PRKD3: variants seen among roughly 807,000 people sequenced by gnomAD.
PRKD3 encodes the protein protein kinase D3.
A neutral mutation model predicts 99.2 loss-of-function variants in PRKD3; 47 were observed. The observed-to-expected ratio is 0.47, with a 90% confidence interval of 0.38 to 0.60. The LOEUF (loss-of-function observed/expected upper bound fraction) is 0.60. Among genes scored for constraint, PRKD3 ranks in the 20% least tolerant of loss-of-function variants. The pLI is 0.00. For synonymous variants in PRKD3, 392 were observed against 355.4 expected, an observed-to-expected ratio of 1.10 and a Z score of -1.16; for missense variants, 1,019 against 1,088.4, an observed-to-expected ratio of 0.94 and a Z score of 0.90.
intron 2 of PRKD3, among the ~76,000 whole-genome samples, chr2:37,295,193 G>C (rs1670622221): frequency 6.6e-6 from 1 of 152,144 alleles, no homozygotes; most frequent in Non-Finnish European, 1.5e-5. Flanking sequence ...AGTTTGTAAA[G>C]ACAGAATAGT....
rs747328210 is a variant in PRKD3, at chr2:37,259,656, T to C, written c.2072A>G (p.His691Arg). The C allele has an allele frequency of 2.5e-6, 4 of 1,612,790 alleles. No individual in the cohort carries two copies. The highest frequency in any genetic ancestry group is 3.4e-6 in the Non-Finnish European group (4 of 1,178,970). Residue 691 changes from histidine to arginine, a missense_variant, in exon 16 of 19, where the codon CAT becomes CGT. His to Arg is a conservative substitution (Grantham distance 29). Coordinates refer to ENST00000234179, the MANE Select transcript of PRKD3 (RefSeq NM_005813.6). Reference sequence around the variant, plus strand: ...ATCACAGTGCACAATATTCTTAAAATGCAGATTCCTCAAAGCAACAAGTAT... The same window carrying C: ...ATCACAGTGCACAATATTCTTAAAACGCAGATTCCTCAAAGCAACAAGTAT... ...TQILVALRNL[H>R]FKNIVHCDLK...
chr2:37,289,080 T>A (rs113672285), intron 5 of PRKD3, among the ~76,000 whole-genome samples: 23 of 144,048 alleles, frequency 1.6e-4, no homozygotes, highest in East Asian at 1.0e-3. Flanking sequence ...AAAAAAAAAT[T>A]AAAAAAAAAA....
chr2:37,316,401 T>C lies in PRKD3; in HGVS notation c.124A>G (p.Asn42Asp), dbSNP rs11896614. 0.046 allele frequency: 74,895 copies of C among 1,614,132 alleles called. 1,902 individuals carry two copies. Among genetic ancestry groups the C allele is most frequent in the African/African-American group, 0.051 (3,800 of 75,038 alleles). Residue 42 changes from asparagine (N) to aspartate (D), a missense_variant, in exon 2 of 19, where the codon AAT (asparagine) becomes GAT (aspartate). By Grantham distance (23) the Asn-to-Asp change is conservative. This residue lies in a region of PRKD3 where 710 missense variants were observed against 692.7 expected (regional missense o/e 1.02). Coordinates refer to ENST00000234179, the MANE Select transcript of PRKD3 (RefSeq NM_005813.6). ...AGTGATGGTGCACTGAAGCTTCCAT[T>C]AGAGAGTCGGGCAGAGAGTCCCGTC... ...PKTGLSARLS[N>D]GSFSAPSLTN...
intron 2 of PRKD3, among the ~76,000 whole-genome samples, chr2:37,293,545 C>A (rs1572678333): frequency 6.6e-6 from 1 of 152,142 alleles, no homozygotes; most frequent in African/African-American, 2.4e-5. Flanking sequence ...TATTCAGTTA[C>A]TGATGGAGAA....
At chr2:37,309,915 T>C (rs1671349515) in intron 2 of PRKD3, among the ~76,000 whole-genome samples, 1 of 150,856 alleles carries the variant, frequency 6.6e-6, no homozygotes, top group Non-Finnish European at 1.5e-5. Flanking sequence ...AATATTCTAA[T>C]ATAGAAGTCA....
intron 12 of PRKD3, among the ~76,000 whole-genome samples, chr2:37,270,808 A>G (rs1669198834): frequency 6.6e-6 from 1 of 152,208 alleles, no homozygotes; most frequent in South Asian, 2.1e-4. Context: ...GAGGCATCCA[A>G]TGCATATATA....
chr2:37,302,385 C>T (rs1670973520), intron 2 of PRKD3, among the ~76,000 whole-genome samples: 1 of 152,174 alleles, frequency 6.6e-6, no homozygotes, highest in Non-Finnish European at 1.5e-5. Flanking sequence ...GCACTCTGCT[C>T]ACTTCATTCT....
intron 2 of PRKD3, among the ~76,000 whole-genome samples, chr2:37,310,051 C>G (rs1216740970): frequency 6.6e-6 from 1 of 152,048 alleles, no homozygotes; most frequent in Non-Finnish European, 1.5e-5. Flanking sequence ...CTGTGAGTAC[C>G]TATTCAGATC....
chr2:37,268,698 G>C (rs1392570383), intron 13 of PRKD3: 1 of 178,590 alleles, frequency 5.6e-6, no homozygotes, highest in Non-Finnish European at 1.2e-5. Context: ...CACTAGAAGA[G>C]ACAAAGGGAT....
chr2:37,293,013 A>T, intron 3 of PRKD3, 120 bp downstream of exon 3: 1 of 1,097,642 alleles, frequency 9.1e-7, no homozygotes, highest in African/African-American at 1.6e-5. Flanking sequence ...ATTATTAGAG[A>T]TGAAAGAAAT....
rs1368589376 is a variant in PRKD3, at chr2:37,274,797, TA to T, written c.1375-101del. On this transcript the variant is annotated intron_variant, in intron 10 of 18. Transcript: ENST00000234179. ...AGATATGCATTTCAATGAATGCCAT[TA>T]AGACGGACACAAGTATGCAACATTT... 43 of 1,153,896 alleles carry T rather than the reference TA, an allele frequency of 3.7e-5. 2 individuals are homozygous for T. The African/African-American group carries it at 5.0e-4, about 13-fold the overall frequency. The allele number at this position is 1,153,896 out of a possible 1,614,324, so 71.5% of individuals were successfully genotyped here. A position where few individuals can be genotyped will look rare whatever the true frequency, so the allele number is the denominator to read the frequency against.
intron 16 of PRKD3, among the ~76,000 whole-genome samples, chr2:37,258,240 GTGGACTC>G (rs1668132819): frequency 6.6e-6 from 1 of 152,202 alleles, no homozygotes; most frequent in African/African-American, 2.4e-5. Context: ...TTCTGGGATG[GTGGACTC>G]TGACACATAT....
chr2:37,282,429 AAATCTTT>A, intron 7 of PRKD3, 106 bp downstream of exon 7: 1 of 725,060 alleles, frequency 1.4e-6, no homozygotes, highest in Non-Finnish European at 2.3e-6. Context: ...AATCAGAAGA[AAATCTTT>A]AAGAAACAAA....
At chr2:37,318,262 T>C (rs771885945) in intron 1 of PRKD3, among the ~76,000 whole-genome samples, 2 of 152,214 alleles carry the variant, frequency 1.3e-5, no homozygotes, top group Non-Finnish European at 1.5e-5. Flanking sequence ...AAAGCTTTCA[T>C]AGCTACTTTC....
At chr2:37,277,490 A>C (rs756807748) in intron 9 of PRKD3, among the ~76,000 whole-genome samples, 3 of 152,186 alleles carry the variant, frequency 2.0e-5, no homozygotes, top group Non-Finnish European at 4.4e-5. Flanking sequence ...ACACTAAGTT[A>C]AAGTCTACAT....
chr2:37,299,313 G>C (rs1670809327), intron 2 of PRKD3, among the ~76,000 whole-genome samples: 1 of 152,072 alleles, frequency 6.6e-6, no homozygotes, highest in South Asian at 2.1e-4. Flanking sequence ...CCTGGGCAAA[G>C]ACTCCTTGAG....
At position 37,277,924 on chromosome 2, in the gene PRKD3, T is replaced by G; in HGVS notation, c.1238A>C (p.Lys413Thr). 1 of 1,613,528 alleles carries G rather than the reference T, an allele frequency of 6.2e-7. No homozygotes were observed. Among genetic ancestry groups the G allele is most frequent in the Non-Finnish European group, 8.5e-7 (1 of 1,179,538 alleles). Residue 413 changes from lysine (K) to threonine (T), a missense_variant, in exon 9 of 19, where the codon AAG becomes ACG. Physicochemically the swap from Lys to Thr is moderately conservative, Grantham distance 78. Transcript: ENST00000234179. ...VVQSIKHTKRKSSTMVKEGWM... is the reference protein window; with the variant it reads ...VVQSIKHTKRTSSTMVKEGWM... ...CCCTTCCTTCACCATTGTGCTGCTC[T>G]TCCTCTTTGTGTGCTTGATGGATTG...
At chr2:37,304,603 A>G (rs911219609) in intron 2 of PRKD3, among the ~76,000 whole-genome samples, 3 of 151,976 alleles carry the variant, frequency 2.0e-5, no homozygotes, top group African/African-American at 7.2e-5. Context: ...TTAGCTAGGC[A>G]TGGTGGCGGG....
chr2:37,260,084 G>C, intron 15 of PRKD3, 139 bp downstream of exon 15: 11 of 734,382 alleles, frequency 1.5e-5, no homozygotes. Flanking sequence ...AGAATCACTT[G>C]AATCCAGGAG....
Sources: gnomAD v4.1 joint callset for allele counts (sites outside exome capture counted in the v4.1 genomes callset) on GRCh38, gnomAD v4.1.1 for gene constraint, gnomAD v4.1.1 regional missense constraint, MANE v1.5 for transcripts, NCBI Gene and HGNC (gene_info 2026-07-23, HGNC 2026-07-21) for gene names.